The following ARHGAP5 variants were observed in gnomAD, a reference collection of about 807,000 sequenced individuals.
ARHGAP5 encodes rho GTPase-activating protein 5.
ARHGAP5 carries 23 observed loss-of-function variants against 116.6 expected under a neutral mutation model. The ratio of observed to expected loss-of-function variants is 0.20; its 90% CI spans 0.14 to 0.28. The LOEUF (loss-of-function observed/expected upper bound fraction) is 0.28. Ranked by LOEUF, ARHGAP5 falls within the 10% of genes least tolerant of loss-of-function variation. The pLI, the probability that ARHGAP5 is intolerant of heterozygous loss-of-function variation, is 1.00. For synonymous variants in ARHGAP5, 574 were observed against 602.0 expected, an observed-to-expected ratio of 0.95 and a Z score of 0.68; for missense variants, 1,405 against 1,774.8, an observed-to-expected ratio of 0.79 and a Z score of 3.74.
In ARHGAP5 at chr14:32,154,428, C is replaced by T. The variant is rs933526747; in HGVS notation, c.4182-193C>T. 9 of 549,730 alleles carry T rather than the reference C, an allele frequency of 1.6e-5. No homozygotes were observed. In the Admixed American group the frequency reaches 2.3e-4, roughly 14 times the overall value. The allele number at this position is 549,730 out of a possible 1,614,324, so 34.1% of individuals were successfully genotyped here. On this transcript the variant is annotated intron_variant, in intron 6 of 6. Transcript: ENST00000345122. ...CCTCCCAAAGTGCTGCGATTACAGG[C>T]GTGAGCCACTGCACCTGGCCCAGGA...
chr14:32,103,124 G>A (rs1878864219), intron 2 of ARHGAP5, among the ~76,000 whole-genome samples: 1 of 152,154 alleles, frequency 6.6e-6, no homozygotes, highest in African/African-American at 2.4e-5. Context: ...CTAGATCTGT[G>A]ATGTTTCTAT....
At chr14:32,134,717 A>G (rs1302432268) in intron 3 of ARHGAP5, among the ~76,000 whole-genome samples, 1 of 152,274 alleles carries the variant, frequency 6.6e-6, no homozygotes, top group East Asian at 1.9e-4. Context: ...CTTGTTTGAA[A>G]TAAAAATATC....
chr14:32,141,745 C>G (rs764521870), intron 3 of ARHGAP5, among the ~76,000 whole-genome samples: 1 of 152,100 alleles, frequency 6.6e-6, no homozygotes, highest in Non-Finnish European at 1.5e-5. Context: ...CTTAGTTTCT[C>G]CTTCATTTTT....
Position 32,145,042 on chromosome 14 carries a change from C to T in ARHGAP5, c.3866-1221C>T, listed in dbSNP as rs1311093756. ...TCATAGACACTTTGGATATCGTATT[C>T]AGAGACTTTGGAATATTACTCAAAT... On this transcript the variant is annotated intron_variant, in intron 3 of 6. Coordinates refer to ENST00000345122, the MANE Select transcript of ARHGAP5 (RefSeq NM_001030055.2). 2.0e-5 allele frequency among the ~76,000 whole-genome samples: 3 copies of T among 152,136 alleles called. No homozygotes were observed. In the East Asian group the frequency reaches 5.8e-4, roughly 29 times the overall value.
intron 3 of ARHGAP5, among the ~76,000 whole-genome samples, chr14:32,128,056 G>A (rs565305838): frequency 5.3e-4 from 80 of 150,910 alleles, no homozygotes; most frequent in African/African-American, 1.9e-3. Context: ...CAGTGCGGCC[G>A]GGCAGAGGCG....
At chr14:32,128,660 A>G (rs887228820) in intron 3 of ARHGAP5, among the ~76,000 whole-genome samples, 2 of 152,216 alleles carry the variant, frequency 1.3e-5, no homozygotes, top group Admixed American at 6.5e-5. Context: ...CGGCTGCTCC[A>G]TCCCGCTGCC....
intron 6 of ARHGAP5, among the ~76,000 whole-genome samples, chr14:32,153,799 C>A (rs1881766773): frequency 6.6e-6 from 1 of 151,632 alleles, no homozygotes; most frequent in South Asian, 2.1e-4. Context: ...GTTAAAAATT[C>A]TCAGCCAGAT....
At chr14:32,089,249 AATAG>A (rs1263336159) in intron 1 of ARHGAP5, among the ~76,000 whole-genome samples, 4 of 151,978 alleles carry the variant, frequency 2.6e-5, no homozygotes, top group Non-Finnish European at 5.9e-5. Context: ...GTGTAATTGA[AATAG>A]ATGTTTACTT....
chr14:32,110,580 G>A (rs1879243884), intron 2 of ARHGAP5, among the ~76,000 whole-genome samples: 1 of 152,114 alleles, frequency 6.6e-6, no homozygotes, highest in Non-Finnish European at 1.5e-5. Context: ...TAAATGATGA[G>A]GGAAATTAGG....
rs761807960 is a variant in ARHGAP5 at position 32,117,175 on chromosome 14, A to G, written c.3753A>G (p.Thr1251=). The G allele has an allele frequency of 1.2e-5, 20 of 1,611,440 alleles. No individual in the cohort carries two copies. In the Admixed American group the frequency reaches 1.8e-4, roughly 15 times the overall value. Residue 1251 remains threonine (T), a synonymous_variant, in exon 3 of 7, where the codon ACA becomes ACG. Coordinates refer to ENST00000345122, the MANE Select transcript of ARHGAP5 (RefSeq NM_001030055.2). ...KKKTKNFNPP[T]RRNWESNYFG... is the part of the protein sequence containing the mutation. ...AAACTAAGAACTTCAATCCACCAAC[A>G]CGTAGAAATTGGGAAAGTAATTACT...
intron 1 of ARHGAP5, among the ~76,000 whole-genome samples, chr14:32,088,352 G>A (rs544811889): frequency 1.9e-4 from 29 of 151,678 alleles, no homozygotes; most frequent in Non-Finnish European, 4.3e-4. Flanking sequence ...TATATCATCT[G>A]CAGGTTTTGC....
chr14:32,152,638 A>C, intron 6 of ARHGAP5, 110 bp downstream of exon 6: 1 of 543,276 alleles, frequency 1.8e-6, no homozygotes, highest in Non-Finnish European at 3.2e-6. Flanking sequence ...ACTCAGACTA[A>C]ACATATAGTT....
chr14:32,094,669 T>G (rs1878435966), intron 2 of ARHGAP5, among the ~76,000 whole-genome samples: 1 of 152,182 alleles, frequency 6.6e-6, no homozygotes, highest in South Asian at 2.1e-4. Flanking sequence ...TCTTAATTTT[T>G]CCATTTGTAA....
chr14:32,145,009 A>G (rs1473951908), intron 3 of ARHGAP5, among the ~76,000 whole-genome samples: 2 of 152,170 alleles, frequency 1.3e-5, no homozygotes, highest in Non-Finnish European at 2.9e-5. Context: ...TTGTTTTATT[A>G]TTGTATCTCA....
intron 1 of ARHGAP5, among the ~76,000 whole-genome samples, chr14:32,080,251 G>A (rs1014255567): frequency 6.6e-6 from 1 of 151,060 alleles, no homozygotes; most frequent in African/African-American, 2.4e-5. Flanking sequence ...CCCAAACCAG[G>A]ACAGCTTCTA....
intron 2 of ARHGAP5, 68 bp downstream of exon 2, chr14:32,094,454 T>C: frequency 8.3e-7 from 1 of 1,200,374 alleles, no homozygotes; most frequent in South Asian, 1.6e-5. Context: ...AATACTGACA[T>C]CAGTGTTAGA....
chr14:32,079,238 T>C (rs887192974), intron 1 of ARHGAP5, among the ~76,000 whole-genome samples: 4 of 152,260 alleles, frequency 2.6e-5, no homozygotes, highest in Non-Finnish European at 4.4e-5. Context: ...GTGTAGGCTG[T>C]GTTTTTAAAC....
chr14:32,136,036 T>G (rs576234454), intron 3 of ARHGAP5, among the ~76,000 whole-genome samples: 27 of 152,244 alleles, frequency 1.8e-4, no homozygotes, highest in Non-Finnish European at 3.2e-4. Flanking sequence ...AATGTACTTT[T>G]AATTCAGTGG....
rs1196740305 is a variant in ARHGAP5 at position 32,155,637 on chromosome 14, G to A, written c.*689G>A. On this transcript the variant is annotated 3_prime_UTR_variant, in exon 7 of 7. Transcript: ENST00000345122. ...AGTTGATAATGTTGTGCAAAGGATAGTTGTCACCAACTCATTTCTTTATGG... is the reference window on the plus strand; with the variant it reads ...AGTTGATAATGTTGTGCAAAGGATAATTGTCACCAACTCATTTCTTTATGG... 1 of 152,554 alleles carries A rather than the reference G, an allele frequency of 6.6e-6. No individual in the cohort carries two copies. Among genetic ancestry groups the A allele is most frequent in the East Asian group, 1.9e-4 (1 of 5,198 alleles). 9.5% of individuals were successfully genotyped at this position (152,554 alleles called of 1,614,324 possible).
Sources: gnomAD v4.1 joint callset for allele counts (sites outside exome capture counted in the v4.1 genomes callset) on GRCh38, gnomAD v4.1.1 for gene constraint, MANE v1.5 for transcripts, NCBI Gene and HGNC (gene_info 2026-07-23, HGNC 2026-07-21) for gene names.